Variants in RARB observed in about 807,000 individuals in gnomAD.
RARB encodes the protein retinoic acid receptor beta.
In RARB, 17 loss-of-function variants were observed where a neutral mutation model predicts 51.9. The observed-to-expected ratio is 0.33, with a 90% confidence interval of 0.22 to 0.49. RARB has a LOEUF of 0.49. Ranked by LOEUF, RARB falls within the 20% of genes least tolerant of loss-of-function variation. The pLI, the probability that RARB is intolerant of heterozygous loss-of-function variation, is 0.99. For synonymous variants in RARB, 215 were observed against 195.4 expected (o/e 1.10, Z -0.84); for missense variants, 369 against 550.8 (o/e 0.67, Z 3.30).
rs1696881633 is a variant in RARB at position 24,990,195 on chromosome 3, C to CT, written c.-379-69927dup. Among the ~76,000 whole-genome samples, 2 of 92,232 alleles carry CT rather than the reference C, an allele frequency of 2.2e-5. 1 individual carries two copies. The allele number at this position is 92,232 out of a possible 152,430, so 60.5% of individuals were successfully genotyped here. ...TTCTTCTTTTTTTATTATTATTATACTTTAAGTTTTAGGGTACATGTGCAC... is the reference window on the plus strand; with the variant it reads ...TTCTTCTTTTTTTATTATTATTATACTTTTAAGTTTTAGGGTACATGTGCAC... On this transcript the variant is annotated intron_variant, in intron 2 of 11. Coordinates refer to the RARB transcript ENST00000383772.
At chr3:25,500,643 A>C (rs778448144) in intron 2 of RARB, among the ~76,000 whole-genome samples, 1 of 150,730 alleles carries the variant, frequency 6.6e-6, no homozygotes, top group Non-Finnish European at 1.5e-5. Flanking sequence ...TGTGCCTGCT[A>C]ATTTTTGTAT....
At chr3:25,065,413 A>G (rs1056004029) in intron 3 of RARB, among the ~76,000 whole-genome samples, 1 of 152,152 alleles carries the variant, frequency 6.6e-6, no homozygotes, top group African/African-American at 2.4e-5. Context: ...ATAATTTTAA[A>G]CTTTTTTAGT....
chr3:25,570,043 G>A, intron 4 of RARB, 125 bp downstream of exon 4: 1 of 1,338,604 alleles, frequency 7.5e-7, no homozygotes, highest in Non-Finnish European at 1.0e-6. Flanking sequence ...CCTGGCAGGG[G>A]CTTGCATGCT....
At chr3:25,528,838 C>CATTCTTTGTAAAATGA (rs58501110) in intron 3 of RARB, among the ~76,000 whole-genome samples, 4 of 151,822 alleles carry the variant, frequency 2.6e-5, no homozygotes, top group Non-Finnish European at 2.9e-5. Context: ...AAAACGCAGC[C>CATTCTTTGTAAAATGA]AAACATGAAG....
intron 2 of RARB, among the ~76,000 whole-genome samples, chr3:25,499,820 A>C (rs546015064): frequency 8.5e-5 from 13 of 152,248 alleles, no homozygotes; most frequent in Non-Finnish European, 1.8e-4. Context: ...ATAAGATTGC[A>C]AAGCTAGATA....
intron 2 of RARB, among the ~76,000 whole-genome samples, chr3:25,051,199 G>A (rs910361412): frequency 1.3e-5 from 2 of 152,160 alleles, no homozygotes; most frequent in Admixed American, 1.3e-4. Flanking sequence ...TTGAGATAAA[G>A]CAGAGTTTAA....
intron 3 of RARB, among the ~76,000 whole-genome samples, chr3:25,087,949 C>T (rs529692777): frequency 6.6e-6 from 1 of 151,604 alleles, no homozygotes; most frequent in South Asian, 2.1e-4. Flanking sequence ...GTATCTGAAA[C>T]AAAGGAAATT....
At chr3:25,009,832 G>T (rs552664990) in intron 2 of RARB, among the ~76,000 whole-genome samples, 58 of 152,188 alleles carry the variant, frequency 3.8e-4, no homozygotes, top group African/African-American at 1.3e-3. Flanking sequence ...AATGACTGCA[G>T]TGTCAGGTTT....
intron 2 of RARB, among the ~76,000 whole-genome samples, chr3:25,020,840 G>T (rs560019995): frequency 6.6e-6 from 1 of 152,100 alleles, no homozygotes; most frequent in South Asian, 2.1e-4. Flanking sequence ...GTGGTGGCAC[G>T]TTGCTGTAAT....
intron 2 of RARB, among the ~76,000 whole-genome samples, chr3:24,995,440 C>A (rs1380527815): frequency 6.6e-6 from 1 of 151,966 alleles, no homozygotes; most frequent in East Asian, 1.9e-4. Context: ...TCTTCCTTTC[C>A]AGTTTGGATG....
At chr3:25,266,688 A>T (rs1423494688) in intron 5 of RARB, among the ~76,000 whole-genome samples, 1 of 152,170 alleles carries the variant, frequency 6.6e-6, no homozygotes, top group African/African-American at 2.4e-5. Context: ...GACTTTAAGA[A>T]GGTGATTAAG....
At chr3:25,329,396 G>T (rs1384560287) in intron 5 of RARB, among the ~76,000 whole-genome samples, 1 of 152,160 alleles carries the variant, frequency 6.6e-6, no homozygotes, top group Non-Finnish European at 1.5e-5. Context: ...AGGCAAAAAG[G>T]GTCTGGAATG....
chr3:25,134,170 C>G (rs889974509), intron 4 of RARB, among the ~76,000 whole-genome samples: 1 of 151,814 alleles, frequency 6.6e-6, no homozygotes, highest in Admixed American at 6.6e-5. Context: ...ACCTGTTGCT[C>G]TTAATGAAAA....
chr3:25,425,247 A>T (rs892200809), upstream of RARB, among the ~76,000 whole-genome samples: 1 of 152,048 alleles, frequency 6.6e-6, no homozygotes, highest in Non-Finnish European at 1.5e-5. Flanking sequence ...TTTCTACCCT[A>T]CTCATTAATC....
chr3:25,165,280 T>C (rs1050000794), intron 4 of RARB, among the ~76,000 whole-genome samples: 4 of 152,180 alleles, frequency 2.6e-5, no homozygotes, highest in African/African-American at 9.7e-5. Flanking sequence ...TGTCTCTTGT[T>C]TACACGTGGT....
At chr3:25,534,428 T>A (rs1699053350) in intron 3 of RARB, among the ~76,000 whole-genome samples, 1 of 152,006 alleles carries the variant, frequency 6.6e-6, no homozygotes, top group Admixed American at 6.6e-5. Context: ...GTACTCAGGG[T>A]TTTTATACTT....
chr3:25,065,793 A>G (rs1231253565), intron 3 of RARB, among the ~76,000 whole-genome samples: 1 of 152,230 alleles, frequency 6.6e-6, no homozygotes, highest in Non-Finnish European at 1.5e-5. Flanking sequence ...GCTCACGCAT[A>G]GAAGGAAGGC....
intron 3 of RARB, among the ~76,000 whole-genome samples, chr3:25,087,658 G>A (rs1559461796): frequency 2.0e-5 from 3 of 152,070 alleles, no homozygotes; most frequent in Non-Finnish European, 4.4e-5. Flanking sequence ...TGTTATAATA[G>A]TAATGGAGAT....
intron 3 of RARB, among the ~76,000 whole-genome samples, chr3:25,095,913 C>T (rs1699284632): frequency 1.3e-5 from 2 of 152,270 alleles, no homozygotes; most frequent in South Asian, 4.1e-4. Context: ...CATTTTAAAT[C>T]TACATCTTCC....
Sources: allele counts gnomAD v4.1 joint callset (sites outside exome capture counted in the v4.1 genomes callset), GRCh38; gene constraint gnomAD v4.1.1; transcripts MANE v1.5; gene names NCBI Gene and HGNC (gene_info 2026-07-23, HGNC 2026-07-21).